Variants in RTTN observed in about 807,000 individuals in gnomAD.
The protein encoded by RTTN is rotatin.
RTTN carries 182 observed loss-of-function variants against 269.2 expected under a neutral mutation model. The ratio of observed to expected loss-of-function variants is 0.68; its 90% confidence interval spans 0.60 to 0.76. The LOEUF (loss-of-function observed/expected upper bound fraction) is 0.76. Among genes scored for constraint, RTTN ranks in the 30% least tolerant of loss-of-function variants. RTTN has a pLI of 0.00. For missense variants in RTTN, 2,545 were observed against 2,608.6 expected (o/e 0.98, Z 0.53); for synonymous variants, 1,006 against 963.5 (o/e 1.04, Z -0.82).
At chr18:70,144,150 CTCT>C (rs1197688538) in intron 18 of RTTN, among the ~76,000 whole-genome samples, 1 of 152,120 alleles carries the variant, frequency 6.6e-6, no homozygotes, top group Non-Finnish European at 1.5e-5. Flanking sequence ...CCCGGCCCCT[CTCT>C]TCTTAATATA....
chr18:70,167,528 C>G (rs2061020883), intron 12 of RTTN, among the ~76,000 whole-genome samples: 1 of 152,022 alleles, frequency 6.6e-6, no homozygotes, highest in South Asian at 2.1e-4. Flanking sequence ...TCAAGACTAA[C>G]CTGGCCAACA....
chr18:70,102,240 C>T (rs1045287947), intron 28 of RTTN, among the ~76,000 whole-genome samples: 3 of 152,168 alleles, frequency 2.0e-5, no homozygotes, highest in Non-Finnish European at 2.9e-5. Context: ...TAAGGACTTG[C>T]TTTATGAATC....
chr18:70,068,471 C>T (rs1210303658), intron 34 of RTTN, among the ~76,000 whole-genome samples: 2 of 152,218 alleles, frequency 1.3e-5, no homozygotes, highest in East Asian at 1.9e-4. Context: ...AGACGTACCT[C>T]TTGAGAAAGC....
chr18:70,011,139 A>G (rs537421795), intron 46 of RTTN, among the ~76,000 whole-genome samples: 2 of 152,332 alleles, frequency 1.3e-5, no homozygotes, highest in African/African-American at 2.4e-5. Flanking sequence ...ATGAATTCAC[A>G]GCCGAATTCT....
intron 23 of RTTN, chr18:70,131,471 G>A (rs1237539301): frequency 6.6e-6 from 1 of 151,268 alleles, no homozygotes; most frequent in African/African-American, 2.4e-5. Context: ...CTAGTTCACA[G>A]TCAAGGAAGT....
intron 27 of RTTN, 32 bp downstream of exon 27, chr18:70,114,413 T>C: frequency 6.3e-7 from 1 of 1,589,200 alleles, no homozygotes; most frequent in Non-Finnish European, 8.6e-7. Flanking sequence ...TCTATATAAA[T>C]GCACCTAAAC....
chr18:70,028,673 C>A, intron 43 of RTTN, 51 bp downstream of exon 43: 1 of 1,067,758 alleles, frequency 9.4e-7, no homozygotes, highest in Non-Finnish European at 1.4e-6. Flanking sequence ...AAAAATTAAA[C>A]TGCTTAATAC....
chr18:70,065,246 A>G (rs554833435), intron 35 of RTTN, among the ~76,000 whole-genome samples: 1 of 147,218 alleles, frequency 6.8e-6, no homozygotes, highest in South Asian at 2.2e-4. Context: ...GCTACTGAAT[A>G]AGGCTTATAT....
intron 14 of RTTN, among the ~76,000 whole-genome samples, chr18:70,153,322 C>CT (rs910254267): frequency 6.6e-6 from 1 of 151,850 alleles, no homozygotes; most frequent in Admixed American, 6.6e-5. Context: ...CACATACATA[C>CT]TTTTTATGTA....
Position 70,205,664 on chromosome 18 carries a change from C to G in RTTN, c.-6G>C, listed in dbSNP as rs777028820. ...ATGAGCCCTGCCAGGACCATCTCGT[C>G]CCGTCAATCTGCAGCCGCCGGAGAA... On this transcript the variant is annotated 5_prime_UTR_variant, in exon 1 of 49. Transcript: ENST00000640769. The G allele has an allele frequency of 6.3e-5, 101 of 1,613,968 alleles. No individual in the cohort carries two copies. Among genetic ancestry groups the G allele is most frequent in the Admixed American group, 1.0e-4 (6 of 59,998 alleles).
intron 19 of RTTN, among the ~76,000 whole-genome samples, chr18:70,141,154 T>C (rs2060247185): frequency 1.3e-5 from 2 of 152,320 alleles, no homozygotes; most frequent in African/African-American, 4.8e-5. Flanking sequence ...TGTGTGATTG[T>C]TGTTAAAACT....
intron 48 of RTTN, 21 bp downstream of exon 48, chr18:70,005,177 C>T: frequency 1.3e-6 from 2 of 1,570,098 alleles, no homozygotes; most frequent in Non-Finnish European, 1.7e-6. Context: ...TAACTATAAT[C>T]TCTTTCTTAT....
intron 14 of RTTN, among the ~76,000 whole-genome samples, chr18:70,154,672 G>A (rs2060627216): frequency 6.6e-6 from 1 of 151,928 alleles, no homozygotes; most frequent in African/African-American, 2.4e-5. Flanking sequence ...CTTCCCTGTA[G>A]TCTTTACAGC....
At position 70,004,110 on chromosome 18, in the gene RTTN, G is replaced by C. The variant is rs375806483; in HGVS notation, c.*41C>G. 11 of 1,504,190 alleles carry C rather than the reference G, an allele frequency of 7.3e-6. No individual in the cohort carries two copies. Among genetic ancestry groups the C allele is most frequent in the African/African-American group, 1.4e-5 (1 of 72,602 alleles). 93.2% of individuals were successfully genotyped at this position (1,504,190 alleles called of 1,614,324 possible). ...AGCTGGCTTCAACTTTAGCTCCCCTGTTGATGACTGTCAGCTTCAAGGTGT... is the reference window on the plus strand; with the variant it reads ...AGCTGGCTTCAACTTTAGCTCCCCTCTTGATGACTGTCAGCTTCAAGGTGT... On this transcript the variant is annotated 3_prime_UTR_variant, in exon 49 of 49. Coordinates refer to ENST00000640769, the MANE Select transcript of RTTN (RefSeq NM_173630.4).
At chr18:70,080,272 A>G (rs2058530640) in intron 32 of RTTN, among the ~76,000 whole-genome samples, 1 of 152,174 alleles carries the variant, frequency 6.6e-6, no homozygotes, top group African/African-American at 2.4e-5. Flanking sequence ...CAATGAATAC[A>G]TCTAGAACGC....
At chr18:70,018,520 A>C (rs917234863) in intron 45 of RTTN, among the ~76,000 whole-genome samples, 1 of 152,204 alleles carries the variant, frequency 6.6e-6, no homozygotes, top group African/African-American at 2.4e-5. Context: ...ACTCCAGTTT[A>C]TCTCTTAGGT....
At chr18:70,171,351 T>C (rs2061138135) in intron 11 of RTTN, among the ~76,000 whole-genome samples, 1 of 152,248 alleles carries the variant, frequency 6.6e-6, no homozygotes, top group African/African-American at 2.4e-5. Flanking sequence ...GAGTTCTCTC[T>C]GACTCTAGTC....
In RTTN at chr18:70,109,532, T is replaced by C. The variant is rs748254085; in HGVS notation, c.3869A>G (p.Asp1290Gly). The change falls in exon 28 of 49, where the codon GAT (aspartate) becomes GGT (glycine). Residue 1290 changes from aspartate to glycine, a missense_variant. Asp to Gly is a moderately conservative substitution (Grantham distance 94, BLOSUM62 -1). Transcript: ENST00000640769. ...SSHSPLTKPL[D>G]ICVKYLSGLL... ...ACCTGACAAGTACTTCACACAGATA[T>C]CTAGAGGCTTTGTGAGAGGAGAGTG... The C allele has an allele frequency of 2.5e-6, 4 of 1,614,024 alleles. No homozygotes were observed. The highest frequency in any genetic ancestry group is 2.2e-5 in the East Asian group (1 of 44,856).
intron 34 of RTTN, among the ~76,000 whole-genome samples, chr18:70,072,088 A>G (rs1312968055): frequency 6.6e-6 from 1 of 152,052 alleles, no homozygotes; most frequent in Non-Finnish European, 1.5e-5. Flanking sequence ...CACTCTCCAG[A>G]TTTTTCTCCT....
Sources: gnomAD v4.1 joint callset for allele counts (sites outside exome capture counted in the v4.1 genomes callset) on GRCh38, gnomAD v4.1.1 for gene constraint, MANE v1.5 for transcripts, NCBI Gene and HGNC (gene_info 2026-07-23, HGNC 2026-07-21) for gene names.